CAP2: variants seen among roughly 807,000 people sequenced by gnomAD.
The protein encoded by CAP2 is cyclase associated actin cytoskeleton regulatory protein 2.
In CAP2, 24 loss-of-function variants were observed where a neutral mutation model predicts 57.7. That is an observed-to-expected ratio of 0.42 (90% CI 0.30 to 0.58). The LOEUF (loss-of-function observed/expected upper bound fraction) is 0.58, where lower values mean the gene tolerates loss of function less well. Ranked by LOEUF, CAP2 falls within the 20% of genes least tolerant of loss-of-function variation. The pLI is 0.22. For missense variants in CAP2, 501 were observed against 590.3 expected, an observed-to-expected ratio of 0.85 and a Z score of 1.57; for synonymous variants, 194 against 207.2, an observed-to-expected ratio of 0.94 and a Z score of 0.55.
Position 17,519,605 on chromosome 6 carries a change from T to C in CAP2, c.636+5651T>C, listed in dbSNP as rs367680100. Among the ~76,000 whole-genome samples the C allele has an allele frequency of 1.1e-4, 17 of 152,326 alleles. No individual in the cohort carries two copies. The South Asian group carries it at 3.1e-3, about 28-fold the overall frequency. Reference sequence around the variant, plus strand: ...AGTGCTAAGTTTCAAATGCACTTCGTTGAACAAATTGATCTTTTGGCACAA... The same window carrying C: ...AGTGCTAAGTTTCAAATGCACTTCGCTGAACAAATTGATCTTTTGGCACAA... On this transcript the variant is annotated intron_variant, in intron 7 of 12. Coordinates refer to ENST00000229922, the MANE Select transcript of CAP2 (RefSeq NM_006366.3).
chr6:17,460,401 A>G (rs1014494021), intron 3 of CAP2, among the ~76,000 whole-genome samples: 1 of 152,222 alleles, frequency 6.6e-6, no homozygotes, highest in African/African-American at 2.4e-5. Context: ...ATAAATGCAG[A>G]ACTAATACTT....
At chr6:17,445,749 C>T (rs919092219) in intron 3 of CAP2, among the ~76,000 whole-genome samples, 3 of 152,144 alleles carry the variant, frequency 2.0e-5, no homozygotes, top group Non-Finnish European at 4.4e-5. Context: ...TCCCCTCTCC[C>T]CAAAGCTCAT....
chr6:17,481,126 T>C (rs186139799), intron 4 of CAP2, among the ~76,000 whole-genome samples: 3 of 152,160 alleles, frequency 2.0e-5, no homozygotes, highest in African/African-American at 7.2e-5. Flanking sequence ...ATTGTTGAAT[T>C]TTATTTTTTA....
intron 1 of CAP2, among the ~76,000 whole-genome samples, chr6:17,414,825 G>T (rs138711940): frequency 1.3e-5 from 2 of 152,130 alleles, no homozygotes; most frequent in African/African-American, 2.4e-5. Flanking sequence ...TTGAGGAATC[G>T]CCATACTGTC....
chr6:17,497,329 A>G (rs1202467896), intron 4 of CAP2, among the ~76,000 whole-genome samples: 1 of 152,214 alleles, frequency 6.6e-6, no homozygotes, highest in Non-Finnish European at 1.5e-5. Flanking sequence ...AGGTGATTAT[A>G]AAATTCATCG....
intron 7 of CAP2, among the ~76,000 whole-genome samples, chr6:17,521,558 G>A (rs1762392272): frequency 6.6e-6 from 1 of 152,212 alleles, no homozygotes. Context: ...CATCTACTAT[G>A]CACTGAGTTC....
rs911350035 is a variant in CAP2, at chr6:17,531,263, G to T, written c.637-8006G>T. On this transcript the variant is annotated intron_variant, in intron 7 of 12. Coordinates refer to ENST00000229922, the MANE Select transcript of CAP2 (RefSeq NM_006366.3). ...TCCTCAGCATGTTAACTGAAGCCTT[G>T]TTGAGCTTCACAAAGGTTCTGTTGA... is the stretch of plus-strand genomic sequence containing the variant. 3 of 822,204 alleles carry T rather than the reference G, an allele frequency of 3.6e-6. No individual in the cohort carries two copies. The African/African-American group carries it at 5.0e-5, about 14-fold the overall frequency. The allele number at this position is 822,204 out of a possible 1,614,324, so 50.9% of individuals were successfully genotyped here. A position where few individuals can be genotyped will look rare whatever the true frequency, so the allele number is the denominator to read the frequency against.
chr6:17,491,110 C>T (rs1193773958), intron 4 of CAP2, among the ~76,000 whole-genome samples: 1 of 152,136 alleles, frequency 6.6e-6, no homozygotes, highest in African/African-American at 2.4e-5. Flanking sequence ...GTTTCTGATC[C>T]TGGGGTTCTT....
At chr6:17,429,383 T>TAC (rs1348939503) in intron 3 of CAP2, among the ~76,000 whole-genome samples, 288 of 152,286 alleles carry the variant, frequency 1.9e-3, no homozygotes, top group African/African-American at 6.1e-3. Flanking sequence ...TCATTAGGAG[T>TAC]ATCTCAAAAA....
In CAP2 at chr6:17,543,084, G is replaced by T; in HGVS notation, c.1150G>T (p.Val384Leu). 6.2e-7 allele frequency: 1 copy of T among 1,614,142 alleles called. No individual in the cohort carries two copies. Among genetic ancestry groups the T allele is most frequent in the African/African-American group, 1.3e-5 (1 of 75,042 alleles). ...IIDNCKKLGL[V>L]FDNVVGIVEV... Reference sequence around the variant, plus strand: ...AGACAACTGTAAAAAACTCGGCCTGGTGTTTGACAATGTGGTGGGCATTGT... The same window carrying T: ...AGACAACTGTAAAAAACTCGGCCTGTTGTTTGACAATGTGGTGGGCATTGT... The change falls in exon 11 of 13, where the codon GTG becomes TTG. Residue 384 changes from valine (V) to leucine (L), a missense_variant. Physicochemically the swap from Val to Leu is conservative, Grantham distance 32 (BLOSUM62 1). Transcript: ENST00000229922.
intron 1 of CAP2, among the ~76,000 whole-genome samples, chr6:17,414,352 G>C (rs1177417694): frequency 6.6e-6 from 1 of 151,642 alleles, no homozygotes; most frequent in Non-Finnish European, 1.5e-5. Context: ...AGGTATACTT[G>C]TGTCATGGTA....
chr6:17,531,564 C>A, intron 7 of CAP2: 2 of 1,540,354 alleles, frequency 1.3e-6, no homozygotes, highest in Non-Finnish European at 8.9e-7. Flanking sequence ...TTCAGCTCTG[C>A]GAAATTCCTT....
chr6:17,471,890 A>G (rs1056673699), intron 4 of CAP2, among the ~76,000 whole-genome samples: 5 of 152,066 alleles, frequency 3.3e-5, no homozygotes, highest in African/African-American at 1.2e-4. Flanking sequence ...CAGTTTAGCC[A>G]TTTAGCCGTG....
chr6:17,534,946 C>T (rs1046484693), intron 7 of CAP2, among the ~76,000 whole-genome samples: 4 of 152,058 alleles, frequency 2.6e-5, no homozygotes, highest in African/African-American at 7.2e-5. Context: ...CCAGTGAGTA[C>T]GCAGGAAAAA....
Position 17,513,522 on chromosome 6 carries a change from C to T in CAP2, c.531-327C>T, listed in dbSNP as rs189218161. Among the ~76,000 whole-genome samples, 6 of 152,192 alleles carry T rather than the reference C, an allele frequency of 3.9e-5. No individual in the cohort carries two copies. Among genetic ancestry groups the T allele is most frequent in the Non-Finnish European group, 8.8e-5 (6 of 68,002 alleles). On this transcript the variant is annotated intron_variant, in intron 6 of 12. Coordinates refer to ENST00000229922, the MANE Select transcript of CAP2 (RefSeq NM_006366.3). This position sits in a 1 kb window ranked among gnomAD's most constrained non-coding sequence, Gnocchi z 4.3. ...AGAAAGAAACAGTCTCCCCTCCACG[C>T]CCCCGTCACGTGAGGGCTGACTGGG... is the stretch of plus-strand genomic sequence containing the variant.
At chr6:17,517,937 C>T (rs553979167) in intron 7 of CAP2, among the ~76,000 whole-genome samples, 5 of 151,730 alleles carry the variant, frequency 3.3e-5, no homozygotes, top group South Asian at 2.1e-4. Context: ...AGTTATAAAA[C>T]GTGTTACATT....
intron 4 of CAP2, among the ~76,000 whole-genome samples, chr6:17,497,102 A>T (rs1166253142): frequency 6.6e-6 from 1 of 152,260 alleles, no homozygotes; most frequent in Admixed American, 6.5e-5. Context: ...ATTGCAGTTC[A>T]GAAGAATTTT....
chr6:17,525,316 A>G (rs1244614577), intron 7 of CAP2, among the ~76,000 whole-genome samples: 1 of 152,126 alleles, frequency 6.6e-6, no homozygotes, highest in African/African-American at 2.4e-5. Flanking sequence ...ATAATCAAGA[A>G]TTCAAAGCTC....
intron 3 of CAP2, among the ~76,000 whole-genome samples, chr6:17,446,093 T>TATC (rs1183612969): frequency 1.5e-4 from 23 of 152,234 alleles, no homozygotes; most frequent in Admixed American, 1.2e-3. Flanking sequence ...TTTACAAAGG[T>TATC]ATCAGTCTGT....
Sources: gnomAD v4.1 joint callset for allele counts (sites outside exome capture counted in the v4.1 genomes callset) on GRCh38, gnomAD v4.1.1 for gene constraint, Gnocchi (gnomAD v3.1) non-coding constraint, MANE v1.5 for transcripts, NCBI Gene and HGNC (gene_info 2026-07-23, HGNC 2026-07-21) for gene names.